TMC1: variants seen among roughly 807,000 people sequenced by gnomAD.
TMC1 encodes transmembrane channel like 1.
TMC1 carries 84 observed loss-of-function variants against 105.8 expected under a neutral mutation model. That is an observed-to-expected ratio of 0.79 (90% CI 0.67 to 0.95). The LOEUF is 0.95. Ranked by LOEUF, TMC1 falls within the 40% of genes least tolerant of loss-of-function variation. The pLI, the probability that TMC1 is intolerant of heterozygous loss-of-function variation, is 0.00. For synonymous variants in TMC1, 315 were observed against 311.5 expected (o/e 1.01, Z -0.12); for missense variants, 817 against 914.1 (o/e 0.89, Z 1.37).
intron 8 of TMC1, among the ~76,000 whole-genome samples, chr9:72,709,010 C>CGGGG (rs35584155): frequency 1.4e-5 from 2 of 142,530 alleles, no homozygotes; most frequent in African/African-American, 5.3e-5. Flanking sequence ...ATTTTTTTTT[C>CGGGG]GGGGGGGTGG....
At chr9:72,667,909 C>G (rs1826069545) in intron 5 of TMC1, among the ~76,000 whole-genome samples, 3 of 152,186 alleles carry the variant, frequency 2.0e-5, no homozygotes, top group South Asian at 2.1e-4. Context: ...CTACTTCTTT[C>G]ATTCAGCCTT....
intron 12 of TMC1, among the ~76,000 whole-genome samples, chr9:72,765,797 A>G (rs982178836): frequency 1.3e-5 from 2 of 152,156 alleles, no homozygotes; most frequent in Admixed American, 6.5e-5. Flanking sequence ...CATGCTTCCT[A>G]TGAGACATGC....
At chr9:72,608,239 C>T (rs138033707) in intron 2 of TMC1, among the ~76,000 whole-genome samples, 233 of 152,298 alleles carry the variant, frequency 1.5e-3, no homozygotes, top group African/African-American at 4.2e-3. Flanking sequence ...TGCATCTCAT[C>T]GGCCTGAGTT....
intron 2 of TMC1, among the ~76,000 whole-genome samples, chr9:72,589,223 A>C (rs1211494035): frequency 6.6e-6 from 1 of 152,214 alleles, no homozygotes; most frequent in Non-Finnish European, 1.5e-5. Context: ...TGTTGACATC[A>C]ACCTTATAAA....
chr9:72,609,318 C>T (rs938461828), intron 2 of TMC1, among the ~76,000 whole-genome samples: 3 of 151,862 alleles, frequency 2.0e-5, no homozygotes, highest in Non-Finnish European at 4.4e-5. Flanking sequence ...GTGGGTGGAT[C>T]ACTTGAGGTC....
intron 17 of TMC1, among the ~76,000 whole-genome samples, chr9:72,794,533 C>G (rs948131862): frequency 1.3e-5 from 2 of 152,176 alleles, no homozygotes; most frequent in African/African-American, 4.8e-5. Context: ...AACATACCCC[C>G]CTCTGAAACC....
At chr9:72,676,644 C>T (rs1327528352) in intron 5 of TMC1, among the ~76,000 whole-genome samples, 1 of 152,142 alleles carries the variant, frequency 6.6e-6, no homozygotes, top group Non-Finnish European at 1.5e-5. Flanking sequence ...TAGGCTCATT[C>T]TCCTAGAGCC....
At chr9:72,708,360 G>T (rs894445537) in intron 8 of TMC1, among the ~76,000 whole-genome samples, 1 of 152,096 alleles carries the variant, frequency 6.6e-6, no homozygotes, top group East Asian at 1.9e-4. Context: ...AGGTAGTATG[G>T]TCATTTTCAC....
chr9:72,740,461 A>T (rs1194057396), intron 9 of TMC1, among the ~76,000 whole-genome samples: 1 of 152,198 alleles, frequency 6.6e-6, no homozygotes, highest in Admixed American at 6.5e-5. Context: ...GTGTGACTTT[A>T]GCACTTCCAA....
chr9:72,524,408 A>T (rs531291555), intron 1 of TMC1, among the ~76,000 whole-genome samples: 2 of 152,216 alleles, frequency 1.3e-5, no homozygotes, highest in Non-Finnish European at 2.9e-5. Flanking sequence ...GATATGTAGA[A>T]GGTGTTTGAC....
At chr9:72,635,731 A>C (rs1374699201) in intron 4 of TMC1, among the ~76,000 whole-genome samples, 2 of 152,220 alleles carry the variant, frequency 1.3e-5, no homozygotes, top group African/African-American at 4.8e-5. Flanking sequence ...GGAATAGATT[A>C]AGGTTGCAAG....
chr9:72,787,140 T>C (rs571668274), intron 13 of TMC1, among the ~76,000 whole-genome samples: 2 of 152,250 alleles, frequency 1.3e-5, no homozygotes, highest in Admixed American at 6.5e-5. Context: ...TGCTGGATAA[T>C]GTCCAGAAAA....
chr9:72,795,306 CA>C (rs1263377941), intron 17 of TMC1, among the ~76,000 whole-genome samples: 6 of 152,128 alleles, frequency 3.9e-5, no homozygotes, highest in African/African-American at 1.4e-4. Context: ...AGAATTCCTG[CA>C]AGATTCTACA....
chr9:72,562,620 A>G (rs1034034608), intron 1 of TMC1, among the ~76,000 whole-genome samples: 1 of 152,234 alleles, frequency 6.6e-6, no homozygotes, highest in African/African-American at 2.4e-5. Context: ...CAAGGAAGAT[A>G]TAACCTCATC....
At chr9:72,645,087 G>T (rs888389505) in intron 4 of TMC1, among the ~76,000 whole-genome samples, 4 of 152,090 alleles carry the variant, frequency 2.6e-5, no homozygotes, top group Admixed American at 1.3e-4. Context: ...TGTTGAAGTC[G>T]AAGCCCACAG....
chr9:72,690,508 A>T (rs183962845), intron 6 of TMC1, among the ~76,000 whole-genome samples: 5 of 152,232 alleles, frequency 3.3e-5, no homozygotes, highest in Non-Finnish European at 5.9e-5. Flanking sequence ...CATTACTTGT[A>T]AGAAAAGTCT....
At chr9:72,579,922 T>A (rs7025908) in intron 2 of TMC1, among the ~76,000 whole-genome samples, 87,507 of 151,822 alleles carry the variant, frequency 0.58, 26,838 homozygotes, top group African/African-American at 0.8. Flanking sequence ...GATAAAAATT[T>A]AAAAATAAAA....
chr9:72,823,225 T>G (rs1429322878), intron 20 of TMC1, among the ~76,000 whole-genome samples: 3 of 152,128 alleles, frequency 2.0e-5, no homozygotes, highest in Non-Finnish European at 4.4e-5. Context: ...AAAGGATGTT[T>G]GCATTGTTTA....
At chr9:72,783,183 G>C (rs916126615) in intron 13 of TMC1, among the ~76,000 whole-genome samples, 2 of 151,980 alleles carry the variant, frequency 1.3e-5, no homozygotes, top group Non-Finnish European at 2.9e-5. Context: ...AGCTTATTAG[G>C]GAGAAAGGCT....
Sources: allele counts gnomAD v4.1 joint callset (sites outside exome capture counted in the v4.1 genomes callset), GRCh38; gene constraint gnomAD v4.1.1; transcripts MANE v1.5; gene names NCBI Gene and HGNC (gene_info 2026-07-23, HGNC 2026-07-21).